Variants in HS6ST3 observed in about 807,000 individuals in gnomAD.
HS6ST3 encodes the protein heparan-sulfate 6-O-sulfotransferase 3.
In HS6ST3, 12 loss-of-function variants were observed where a neutral mutation model predicts 36.7. That is an observed-to-expected ratio of 0.33 (90% CI 0.21 to 0.53). The LOEUF (loss-of-function observed/expected upper bound fraction) is 0.53, where lower values mean the gene tolerates loss of function less well. Ranked by LOEUF, HS6ST3 falls within the 20% of genes least tolerant of loss-of-function variation. HS6ST3 has a pLI of 0.95. For missense variants in HS6ST3, 584 were observed against 640.9 expected, an observed-to-expected ratio of 0.91 and a Z score of 0.96; for synonymous variants, 240 against 257.5, an observed-to-expected ratio of 0.93 and a Z score of 0.65.
intron 1 of HS6ST3, among the ~76,000 whole-genome samples, chr13:96,416,364 G>A (rs778450057): frequency 2.0e-5 from 3 of 152,144 alleles, no homozygotes; most frequent in Non-Finnish European, 4.4e-5. Context: ...CTTGGAATGG[G>A]TAATATCCCA....
chr13:96,720,267 G>A (rs1875809796), intron 1 of HS6ST3, among the ~76,000 whole-genome samples: 1 of 152,138 alleles, frequency 6.6e-6, no homozygotes, highest in Non-Finnish European at 1.5e-5. Flanking sequence ...AGCTCTACAA[G>A]ACCATGACCA....
At chr13:96,696,349 A>C (rs1875127825) in intron 1 of HS6ST3, among the ~76,000 whole-genome samples, 1 of 152,224 alleles carries the variant, frequency 6.6e-6, no homozygotes, top group Admixed American at 6.5e-5. Context: ...TACAGGCTTT[A>C]ATCTTATCTA....
intron 1 of HS6ST3, among the ~76,000 whole-genome samples, chr13:96,670,330 C>T (rs2056678815): frequency 6.6e-6 from 1 of 152,002 alleles, no homozygotes; most frequent in South Asian, 2.1e-4. Context: ...GAGGTAGATT[C>T]AAGAGAGAAT....
At chr13:96,778,141 A>T (rs955466935) in intron 1 of HS6ST3, among the ~76,000 whole-genome samples, 2 of 152,108 alleles carry the variant, frequency 1.3e-5, no homozygotes, top group African/African-American at 2.4e-5. Flanking sequence ...CTGAAATTCG[A>T]CCCCTTCCTT....
intron 1 of HS6ST3, among the ~76,000 whole-genome samples, chr13:96,618,262 A>G (rs2056481698): frequency 6.6e-6 from 1 of 152,106 alleles, no homozygotes; most frequent in Non-Finnish European, 1.5e-5. Context: ...CCACACCTGG[A>G]TAATTTTAAA....
rs564757021 is a variant in HS6ST3, at chr13:96,262,677, C to T, written c.707+171108C>T. On this transcript the variant is annotated intron_variant, in intron 1 of 1. Transcript: ENST00000376705. ...TTATTCAGCTAACCTGACTGTTGTA[C>T]TCATGCATCAACCAGAGAGCTGGGA... Among the ~76,000 whole-genome samples the T allele has an allele frequency of 8.5e-5, 13 of 152,238 alleles. No individual in the cohort carries two copies. In the South Asian group the frequency reaches 2.7e-3, roughly 32 times the overall value.
chr13:96,364,604 G>A (rs1275862944), intron 1 of HS6ST3, among the ~76,000 whole-genome samples: 1 of 152,164 alleles, frequency 6.6e-6, no homozygotes, highest in African/African-American at 2.4e-5. Context: ...AGGGTCTGGG[G>A]GAGGGAGGAG....
At chr13:96,735,346 A>G (rs1876257048) in intron 1 of HS6ST3, among the ~76,000 whole-genome samples, 1 of 152,196 alleles carries the variant, frequency 6.6e-6, no homozygotes, top group Non-Finnish European at 1.5e-5. Context: ...AGAATGATGC[A>G]TGTTCAGAAA....
At position 96,812,924 on chromosome 13, in the gene HS6ST3, G is replaced by A. The variant is rs141103894; in HGVS notation, c.708-19566G>A. 9.8e-5 allele frequency among the ~76,000 whole-genome samples: 15 copies of A among 152,304 alleles called. No individual in the cohort carries two copies. In the East Asian group the frequency reaches 2.9e-3, roughly 29 times the overall value. On this transcript the variant is annotated intron_variant, in intron 1 of 1. Transcript: ENST00000376705. ...TGGTTATTTGAGCCTGGGGAAGTCT[G>A]TTGTAGGATTATCAGCTTCCTATCA...
At chr13:96,388,733 T>C (rs2055380962) in intron 1 of HS6ST3, among the ~76,000 whole-genome samples, 1 of 152,118 alleles carries the variant, frequency 6.6e-6, no homozygotes, top group Non-Finnish European at 1.5e-5. Context: ...TGGGGGTGGT[T>C]TCCCCTATGC....
At chr13:96,348,614 C>T (rs1477099208) in intron 1 of HS6ST3, among the ~76,000 whole-genome samples, 1 of 152,186 alleles carries the variant, frequency 6.6e-6, no homozygotes, top group Non-Finnish European at 1.5e-5. Flanking sequence ...AAGGTGCCCT[C>T]ACAGAGGTAC....
intron 1 of HS6ST3, among the ~76,000 whole-genome samples, chr13:96,353,665 A>G (rs1300628908): frequency 6.6e-6 from 1 of 152,200 alleles, no homozygotes; most frequent in East Asian, 1.9e-4. Context: ...TAATCAAAAG[A>G]TAAATAACAA....
chr13:96,346,350 G>A (rs200730864), intron 1 of HS6ST3, among the ~76,000 whole-genome samples: 3 of 152,044 alleles, frequency 2.0e-5, no homozygotes, highest in East Asian at 1.9e-4. Flanking sequence ...CAAGGTGGGC[G>A]GATCATGAGA....
At chr13:96,580,130 G>A (rs1157695237) in intron 1 of HS6ST3, among the ~76,000 whole-genome samples, 1 of 150,168 alleles carries the variant, frequency 6.7e-6, no homozygotes, top group Non-Finnish European at 1.5e-5. Context: ...GAGTCAATTT[G>A]ACTGAGGAAT....
intron 1 of HS6ST3, among the ~76,000 whole-genome samples, chr13:96,217,727 T>C (rs897633573): frequency 1.3e-5 from 2 of 152,240 alleles, no homozygotes; most frequent in South Asian, 2.1e-4. Context: ...ATAACTGTTA[T>C]ACTGCAGAGA....
At chr13:96,436,831 G>C (rs934900076) in intron 1 of HS6ST3, among the ~76,000 whole-genome samples, 1 of 152,108 alleles carries the variant, frequency 6.6e-6, no homozygotes, top group Non-Finnish European at 1.5e-5. Context: ...TGTTGTTTAA[G>C]CCACCCAGTC....
rs552645600 is a variant in HS6ST3 at position 96,834,462 on chromosome 13, A to C, written c.*1264A>C. ...ATCAGGCCAGAGTGTCTCAAACTGG[A>C]CAAGAAATGTGCTGCATTGCCGAGT... is the stretch of plus-strand genomic sequence containing the variant. On this transcript the variant is annotated 3_prime_UTR_variant, in exon 2 of 2. Coordinates refer to ENST00000376705, the MANE Select transcript of HS6ST3 (RefSeq NM_153456.4). The C allele has an allele frequency of 6.6e-6, 1 of 152,334 alleles. No homozygotes were observed. The highest frequency in any genetic ancestry group is 1.9e-4 in the East Asian group (1 of 5,182). 9.4% of individuals were successfully genotyped at this position (152,334 alleles called of 1,614,324 possible). A position where few individuals can be genotyped will look rare whatever the true frequency, so the allele number is the denominator to read the frequency against.
At chr13:96,246,585 A>C (rs2054585845) in intron 1 of HS6ST3, among the ~76,000 whole-genome samples, 1 of 152,198 alleles carries the variant, frequency 6.6e-6, no homozygotes, top group Non-Finnish European at 1.5e-5. Flanking sequence ...TATAGACTTG[A>C]TTGAAATATT....
At chr13:96,378,862 C>T (rs2055327153) in intron 1 of HS6ST3, among the ~76,000 whole-genome samples, 1 of 152,176 alleles carries the variant, frequency 6.6e-6, no homozygotes, top group Admixed American at 6.5e-5. Flanking sequence ...TGCTGGGTTT[C>T]ACAAACTTGA....
Sources: allele counts gnomAD v4.1 joint callset (sites outside exome capture counted in the v4.1 genomes callset), GRCh38; gene constraint gnomAD v4.1.1; transcripts MANE v1.5; gene names NCBI Gene and HGNC (gene_info 2026-07-23, HGNC 2026-07-21).